The following ST8SIA2 variants were observed in gnomAD, a reference collection of about 807,000 sequenced individuals.
The protein encoded by ST8SIA2 is ST8 alpha-N-acetyl-neuraminide alpha-2,8-sialyltransferase 2.
ST8SIA2 carries 22 observed loss-of-function variants against 37.6 expected under a neutral mutation model. The observed-to-expected ratio is 0.58, with a 90% CI of 0.42 to 0.83. The LOEUF (loss-of-function observed/expected upper bound fraction) is 0.83. Ranked by LOEUF, ST8SIA2 falls within the 40% of genes least tolerant of loss-of-function variation. The pLI is 0.00. For synonymous variants in ST8SIA2, 205 were observed against 201.2 expected, an observed-to-expected ratio of 1.02 and a Z score of -0.16; for missense variants, 382 against 484.7, an observed-to-expected ratio of 0.79 and a Z score of 1.99.
rs746525031 is a variant in ST8SIA2 at position 92,438,451 on chromosome 15, A to T, written c.389A>T (p.Asp130Val). 8.7e-6 allele frequency: 14 copies of T among 1,614,228 alleles called. No individual in the cohort carries two copies. The highest frequency in any genetic ancestry group is 1.2e-5 in the Non-Finnish European group (14 of 1,180,030). ...GDIIHYIFDRDSTMNVSQNLY... is the reference protein window; with the variant it reads ...GDIIHYIFDRVSTMNVSQNLY... ...ATTATTCATTACATCTTCGATCGAG[A>T]CAGCACCATGAATGTGTCCCAGAAC... The change falls in exon 4 of 6, where the codon GAC (aspartate) becomes GTC (valine). Residue 130 changes from aspartate to valine, a missense_variant. Physicochemically the swap from Asp to Val is radical, Grantham distance 152. Transcript: ENST00000268164.
chr15:92,455,529 T>C (rs1049134317), intron 5 of ST8SIA2, among the ~76,000 whole-genome samples: 8 of 152,310 alleles, frequency 5.3e-5, no homozygotes, highest in East Asian at 3.9e-4. Context: ...ATAACCCCTT[T>C]TTACACCTAC....
chr15:92,464,072 C>CTTTT lies in ST8SIA2; in HGVS notation c.843-8_843-5dup, dbSNP rs34156050. The CTTTT allele has an allele frequency of 3.9e-3, 4,895 of 1,264,564 alleles. 89 individuals carry two copies. Among genetic ancestry groups the CTTTT allele is most frequent in the South Asian group, 0.013 (789 of 62,488 alleles). 78.3% of individuals were successfully genotyped at this position (1,264,564 alleles called of 1,614,324 possible). A position where few individuals can be genotyped will look rare whatever the true frequency, so the allele number is the denominator to read the frequency against. On this transcript the variant is annotated intron_variant, in intron 5 of 5. Coordinates refer to ENST00000268164, the MANE Select transcript of ST8SIA2 (RefSeq NM_006011.4). ...TGACTCACAGACCCATGTTTCTTTTCTTTTTTTTTTTTTTTTTTTTTTTCC... is the reference window on the plus strand; with the variant it reads ...TGACTCACAGACCCATGTTTCTTTTCTTTTTTTTTTTTTTTTTTTTTTTTTTTCC...
Position 92,438,417 on chromosome 15 carries a change from C to A in ST8SIA2, c.355C>A (p.Pro119Thr), listed in dbSNP as rs749600701. ...DISVLKGTLK[P>T]GDIIHYIFDR... ...TTCTGTCCTAAAGGGAACCCTGAAG[C>A]CTGGAGATATTATTCATTACATCTT... is the stretch of plus-strand genomic sequence containing the variant. The change falls in exon 4 of 6, where the codon CCT (proline) becomes ACT (threonine). Residue 119 changes from proline (P) to threonine (T), a missense_variant. Physicochemically the swap from Pro to Thr is conservative, Grantham distance 38. Transcript: ENST00000268164. 1.2e-6 allele frequency: 2 copies of A among 1,614,082 alleles called. No homozygotes were observed. Among genetic ancestry groups the A allele is most frequent in the Non-Finnish European group, 1.7e-6 (2 of 1,180,052 alleles).
chr15:92,406,855 G>A (rs145860308), intron 1 of ST8SIA2, among the ~76,000 whole-genome samples: 5,619 of 152,104 alleles, frequency 0.037, 180 homozygotes, highest in Non-Finnish European at 0.054. Context: ...TTAGCTGGGC[G>A]TGGTGGTGTG....
intron 2 of ST8SIA2, 34 bp from the exon 3 acceptor site, chr15:92,434,213 A>G (rs374411283): frequency 7.8e-5 from 126 of 1,613,006 alleles, no homozygotes; most frequent in Non-Finnish European, 1.0e-4. Context: ...CTAACACATC[A>G]TGTCTACCCT....
At chr15:92,406,476 C>G (rs78036235) in intron 1 of ST8SIA2, among the ~76,000 whole-genome samples, 4,920 of 152,268 alleles carry the variant, frequency 0.032, 261 homozygotes, top group African/African-American at 0.11. Flanking sequence ...TCAGGCCCTC[C>G]TCCAAACCCT....
At chr15:92,414,780 C>T (rs1433547512) in intron 1 of ST8SIA2, among the ~76,000 whole-genome samples, 1 of 152,238 alleles carries the variant, frequency 6.6e-6, no homozygotes, top group Non-Finnish European at 1.5e-5. Context: ...GGCCACCATC[C>T]TCTCTATGAC....
At chr15:92,402,058 A>C (rs542510196) in intron 1 of ST8SIA2, among the ~76,000 whole-genome samples, 14 of 152,010 alleles carry the variant, frequency 9.2e-5, no homozygotes, top group Non-Finnish European at 1.9e-4. Context: ...TATGAAAGGG[A>C]GTGATGGTAG....
intron 3 of ST8SIA2, among the ~76,000 whole-genome samples, chr15:92,435,708 C>T (rs1029258390): frequency 2.6e-5 from 4 of 152,122 alleles, no homozygotes; most frequent in Admixed American, 2.6e-4. Context: ...AAGTAGCTGA[C>T]TCCCTGCCAC....
chr15:92,464,402 G>T lies in ST8SIA2; in HGVS notation c.*17G>T. The stretch of plus-strand genomic sequence containing the variant: ...GCCACGTAGGGTGGGCACCCCATGG[G>T]ACTCAGTGGCTCACATTTCCTGCCA... On this transcript the variant is annotated 3_prime_UTR_variant, in exon 6 of 6. Transcript: ENST00000268164. 2 of 1,612,878 alleles carry T rather than the reference G, an allele frequency of 1.2e-6. No homozygotes were observed. Among genetic ancestry groups the T allele is most frequent in the Non-Finnish European group, 8.5e-7 (1 of 1,180,018 alleles).
At chr15:92,443,705 C>G (rs922002701) in intron 4 of ST8SIA2, among the ~76,000 whole-genome samples, 1 of 152,106 alleles carries the variant, frequency 6.6e-6, no homozygotes, top group African/African-American at 2.4e-5. Flanking sequence ...AGATCACTTG[C>G]CTTTCCCTAA....
At chr15:92,402,606 C>T (rs1596228334) in intron 1 of ST8SIA2, among the ~76,000 whole-genome samples, 1 of 152,132 alleles carries the variant, frequency 6.6e-6, no homozygotes, top group East Asian at 1.9e-4. Flanking sequence ...TGGGATGTAG[C>T]GATGCTGAAG....
intron 5 of ST8SIA2, among the ~76,000 whole-genome samples, chr15:92,452,968 TTC>T (rs147902128): frequency 1.3e-5 from 2 of 152,238 alleles, no homozygotes; most frequent in East Asian, 3.9e-4. Flanking sequence ...CACGCTGAGA[TTC>T]TCTCATTCAA....
intron 1 of ST8SIA2, chr15:92,422,191 G>A (rs4777979): frequency 0.49 from 73,715 of 151,980 alleles, 18,233 homozygotes; most frequent in East Asian, 0.69. Context: ...AGAAAGCCTG[G>A]CTGTATTATA....
In ST8SIA2 at chr15:92,441,553, G is replaced by A. The variant is rs573488995; in HGVS notation, c.548+2943G>A. Among the ~76,000 whole-genome samples, 6 of 149,998 alleles carry A rather than the reference G, an allele frequency of 4.0e-5. No individual in the cohort carries two copies. In the East Asian group the frequency reaches 1.0e-3, roughly 25 times the overall value. Reference sequence around the variant, plus strand: ...GCAGAGTATAAGTTCCCAGATGTTTGGGGAACAGAACTTCACTGTGCATGC... The same window carrying A: ...GCAGAGTATAAGTTCCCAGATGTTTAGGGAACAGAACTTCACTGTGCATGC... On this transcript the variant is annotated intron_variant, in intron 4 of 5. Coordinates refer to ENST00000268164, the MANE Select transcript of ST8SIA2 (RefSeq NM_006011.4).
At chr15:92,436,163 A>C (rs2049756626) in intron 3 of ST8SIA2, among the ~76,000 whole-genome samples, 1 of 152,170 alleles carries the variant, frequency 6.6e-6, no homozygotes, top group Admixed American at 6.5e-5. Context: ...ACATCCGCAA[A>C]GATGTTCTTT....
chr15:92,452,095 G>A (rs1298161331), intron 5 of ST8SIA2, among the ~76,000 whole-genome samples: 1 of 152,220 alleles, frequency 6.6e-6, no homozygotes, highest in Non-Finnish European at 1.5e-5. Flanking sequence ...TGTCTTTTCA[G>A]CAAAGATGAG....
intron 1 of ST8SIA2, among the ~76,000 whole-genome samples, chr15:92,396,039 A>G (rs1251144949): frequency 2.6e-5 from 4 of 152,176 alleles, no homozygotes; most frequent in African/African-American, 4.8e-5. Flanking sequence ...GTTCCCATAT[A>G]TGTACGCACC....
At chr15:92,438,050 G>C (rs1451004797) in intron 3 of ST8SIA2, among the ~76,000 whole-genome samples, 1 of 152,164 alleles carries the variant, frequency 6.6e-6, no homozygotes, top group African/African-American at 2.4e-5. Context: ...TCCTTCTGGG[G>C]CCCGCTGTGA....
Sources: allele counts gnomAD v4.1 joint callset (sites outside exome capture counted in the v4.1 genomes callset), GRCh38; gene constraint gnomAD v4.1.1; transcripts MANE v1.5; gene names NCBI Gene and HGNC (gene_info 2026-07-23, HGNC 2026-07-21).